Variants in CDH23 observed in about 807,000 individuals in gnomAD.
CDH23 encodes cadherin related 23.
In CDH23, 189 loss-of-function variants were observed where a neutral mutation model predicts 317.1. The ratio of observed to expected loss-of-function variants is 0.60; its 90% CI spans 0.53 to 0.67. The LOEUF (loss-of-function observed/expected upper bound fraction) is 0.67, where lower values mean the gene tolerates loss of function less well. CDH23 is among the 30% of genes least tolerant of loss of function. The pLI, the probability that CDH23 is intolerant of heterozygous loss-of-function variation, is 0.00. For missense variants in CDH23, 4,401 were observed against 4,592.4 expected (o/e 0.96, Z 1.20); for synonymous variants, 1,839 against 1,876.8 (o/e 0.98, Z 0.52).
intron 12 of CDH23, 110 bp downstream of exon 12, chr10:71,643,976 G>T (rs113689541): frequency 1.1e-4 from 80 of 715,426 alleles, no homozygotes; most frequent in African/African-American, 1.1e-3. Flanking sequence ...ACCCTCTCAG[G>T]CCCCCAGCTC....
rs1288033055 is a variant in CDH23, at chr10:71,730,487, G to T, written c.3598G>T (p.Asp1200Tyr). The part of the protein sequence containing the change: ...SSVRVIVYVE[D>Y]INDEAPVFTQ... ...CCCACAGGTGATTGTGTACGTGGAG[G>T]ACATCAACGATGAGGCCCCCGTGTT... Residue 1200 changes from aspartate (D) to tyrosine (Y), a missense_variant, in exon 31 of 70, where the codon GAC becomes TAC. Asp to Tyr is a radical substitution (Grantham distance 160). Coordinates refer to ENST00000224721, the MANE Select transcript of CDH23 (RefSeq NM_022124.6). The T allele has an allele frequency of 1.6e-5, 26 of 1,613,732 alleles. No individual in the cohort carries two copies. The highest frequency in any genetic ancestry group is 1.9e-5 in the Non-Finnish European group (22 of 1,179,888).
chr10:71,439,202 G>A (rs894116978), intron 1 of CDH23, among the ~76,000 whole-genome samples: 7 of 152,184 alleles, frequency 4.6e-5, no homozygotes, highest in Non-Finnish European at 7.3e-5. Context: ...GAGGTCCTGG[G>A]CAGGTTGCCT....
intron 45 of CDH23, among the ~76,000 whole-genome samples, 169 bp downstream of exon 45, chr10:71,789,211 G>A (rs897346570): frequency 6.6e-6 from 1 of 152,198 alleles, no homozygotes; most frequent in African/African-American, 2.4e-5. Context: ...GGGGCTCCCG[G>A]GCCTCCTATG....
At chr10:71,777,653 A>T in intron 38 of CDH23, 27 bp from the exon 39 acceptor site, 1 of 1,586,316 alleles carries the variant, frequency 6.3e-7, no homozygotes, top group Non-Finnish European at 8.6e-7. Flanking sequence ...CCACCTGACC[A>T]AGGACGTGAC....
intron 9 of CDH23, among the ~76,000 whole-genome samples, chr10:71,581,769 C>A (rs904798978): frequency 6.6e-6 from 1 of 152,194 alleles, no homozygotes; most frequent in Non-Finnish European, 1.5e-5. Flanking sequence ...GGGGCCTGAC[C>A]AAAACAGAGT....
At chr10:71,485,011 C>A (rs865893541) in intron 3 of CDH23, among the ~76,000 whole-genome samples, 67 of 143,888 alleles carry the variant, frequency 4.7e-4, no homozygotes, top group Non-Finnish European at 8.4e-4. Context: ...TCTTTCTTTT[C>A]GTTTCTTTTT....
chr10:71,642,401 T>TTC (rs900512950), intron 11 of CDH23, among the ~76,000 whole-genome samples: 11 of 131,772 alleles, frequency 8.3e-5, no homozygotes, highest in Non-Finnish European at 1.2e-4. Flanking sequence ...CTCTTTTTTT[T>TTC]TTTTTTTTTT....
chr10:71,431,495 C>T (rs192014302), intron 1 of CDH23, among the ~76,000 whole-genome samples: 1 of 152,218 alleles, frequency 6.6e-6, no homozygotes, highest in Non-Finnish European at 1.5e-5. Flanking sequence ...CCATTAGCAG[C>T]CCTAATGGTG....
At chr10:71,436,582 G>C (rs988375315) in intron 1 of CDH23, among the ~76,000 whole-genome samples, 2 of 152,200 alleles carry the variant, frequency 1.3e-5, no homozygotes, top group Non-Finnish European at 2.9e-5. Flanking sequence ...CAATGTCCTC[G>C]TCTGTAAAAT....
chr10:71,441,785 C>T (rs1449939701), intron 2 of CDH23, among the ~76,000 whole-genome samples: 1 of 152,050 alleles, frequency 6.6e-6, no homozygotes, highest in Non-Finnish European at 1.5e-5. Flanking sequence ...AAGCCCTTGG[C>T]TGCTTTCCTC....
intron 39 of CDH23, 135 bp from the exon 40 acceptor site, chr10:71,778,054 T>C: frequency 1.4e-6 from 2 of 1,448,518 alleles, no homozygotes; most frequent in Non-Finnish European, 1.9e-6. Flanking sequence ...TTTGGTGGAG[T>C]GGAGCCTGGG....
intron 43 of CDH23, 138 bp downstream of exon 43, chr10:71,785,238 G>A: frequency 1.5e-6 from 1 of 673,248 alleles, no homozygotes; most frequent in South Asian, 2.0e-5. Flanking sequence ...ACACCTCTGT[G>A]GGAAGCATGG....
intron 11 of CDH23, 107 bp downstream of exon 11, chr10:71,617,500 G>GCACCC (rs771009058): frequency 6.6e-7 from 1 of 1,521,554 alleles, no homozygotes; most frequent in South Asian, 1.2e-5. Flanking sequence ...AAACATTGCG[G>GCACCC]CACCCCACTC....
chr10:71,418,217 T>A (rs1848611894), intron 1 of CDH23, among the ~76,000 whole-genome samples: 1 of 152,174 alleles, frequency 6.6e-6, no homozygotes, highest in African/African-American at 2.4e-5. Flanking sequence ...ATGATATAGC[T>A]AGTAATGTTT....
At chr10:71,717,479 C>T (rs1866321960) in intron 28 of CDH23, 1 of 152,312 alleles carries the variant, frequency 6.6e-6, no homozygotes, top group African/African-American at 2.4e-5. Context: ...CAGGGCATTT[C>T]CTTTCCCACT....
At chr10:71,498,146 G>A (rs1172532728) in intron 3 of CDH23, among the ~76,000 whole-genome samples, 3 of 152,236 alleles carry the variant, frequency 2.0e-5, no homozygotes, top group African/African-American at 7.2e-5. Context: ...CTCAGAGACA[G>A]CAGCGATTTG....
intron 6 of CDH23, among the ~76,000 whole-genome samples, chr10:71,532,711 G>GTTTTTTTTTTTTTTTTTTTTTT (rs531593760): frequency 2.3e-5 from 3 of 128,094 alleles, no homozygotes; most frequent in Non-Finnish European, 3.5e-5. Context: ...TTTTGTTTTT[G>GTTTTTTTTTTTTTTTTTTTTTT]TTTTTTTTTT....
In CDH23 at chr10:71,805,925, C is replaced by T; in HGVS notation, c.7992C>T (p.Phe2664=). The T allele has an allele frequency of 6.2e-7, 1 of 1,611,280 alleles. No homozygotes were observed. Residue 2664 remains phenylalanine (F), a synonymous_variant, in exon 56 of 70, where the codon TTC becomes TTT. Coordinates refer to ENST00000224721, the MANE Select transcript of CDH23 (RefSeq NM_022124.6). ...CGGGCAACCGGGACTGGGAGTTCTT[C>T]ATCATCGACCCAATCAGCGGCCTCA... ...KTAGNRDWEF[F]IIDPISGLIQ... is the part of the protein sequence containing the mutation.
chr10:71,452,471 G>GCC (rs1054252621), intron 3 of CDH23, among the ~76,000 whole-genome samples: 2 of 152,118 alleles, frequency 1.3e-5, no homozygotes, highest in Non-Finnish European at 2.9e-5. Flanking sequence ...GCACTGCCGT[G>GCC]CCCTCAACCA....
Sources: allele counts gnomAD v4.1 joint callset (sites outside exome capture counted in the v4.1 genomes callset), GRCh38; gene constraint gnomAD v4.1.1; transcripts MANE v1.5; gene names NCBI Gene and HGNC (gene_info 2026-07-23, HGNC 2026-07-21).